Variants in NKAIN3 observed in about 807,000 individuals in gnomAD.
The protein encoded by NKAIN3 is sodium/potassium transporting ATPase interacting 3.
In NKAIN3, 25 loss-of-function variants were observed where a neutral mutation model predicts 30.2. The ratio of observed to expected loss-of-function variants is 0.83; its 90% CI spans 0.60 to 1.16. The LOEUF (loss-of-function observed/expected upper bound fraction) is 1.16. Among genes scored for constraint, NKAIN3 ranks in the 50% most tolerant of loss-of-function variants. The pLI, the probability that NKAIN3 is intolerant of heterozygous loss-of-function variation, is 0.00. For missense variants in NKAIN3, 225 were observed against 254.1 expected (o/e 0.89, Z 0.78); for synonymous variants, 91 against 89.6 (o/e 1.02, Z -0.09).
intron 3 of NKAIN3, among the ~76,000 whole-genome samples, chr8:62,590,059 G>T (rs948644241): frequency 2.0e-5 from 3 of 151,610 alleles, no homozygotes; most frequent in African/African-American, 4.8e-5. Context: ...TGAACTTACA[G>T]TGTATCCTCA....
chr8:62,738,956 T>A (rs1277730641), intron 3 of NKAIN3, among the ~76,000 whole-genome samples: 1 of 152,170 alleles, frequency 6.6e-6, no homozygotes, highest in African/African-American at 2.4e-5. Context: ...TGAGTTCATG[T>A]CCTTTGCAGG....
intron 5 of NKAIN3, among the ~76,000 whole-genome samples, chr8:62,998,707 T>C (rs749134290): frequency 1.4e-4 from 21 of 152,242 alleles, no homozygotes; most frequent in Non-Finnish European, 2.6e-4. Context: ...TTCTTGAGGA[T>C]GATTGTCATG....
chr8:62,711,867 C>T (rs1482488687), intron 3 of NKAIN3, among the ~76,000 whole-genome samples: 1 of 152,120 alleles, frequency 6.6e-6, no homozygotes, highest in East Asian at 1.9e-4. Context: ...TTTGGGTAGC[C>T]TCTGTAAGAG....
At chr8:62,757,275 A>G (rs1455590113) in intron 4 of NKAIN3, among the ~76,000 whole-genome samples, 2 of 152,228 alleles carry the variant, frequency 1.3e-5, no homozygotes, top group Non-Finnish European at 2.9e-5. Flanking sequence ...GTAGCTTTTC[A>G]TAATAACGAG....
downstream of NKAIN3, among the ~76,000 whole-genome samples, chr8:62,985,143 G>A (rs1190815956): frequency 6.6e-6 from 1 of 152,188 alleles, no homozygotes; most frequent in East Asian, 1.9e-4. Flanking sequence ...CCCAGGTGAT[G>A]CCACTGCCCA....
intron 2 of NKAIN3, among the ~76,000 whole-genome samples, chr8:62,582,680 C>T (rs1168392791): frequency 6.6e-6 from 1 of 152,138 alleles, no homozygotes; most frequent in Non-Finnish European, 1.5e-5. Flanking sequence ...CATTAAGCAT[C>T]TATTGAGGAC....
At chr8:62,272,518 G>T (rs1336243313) in intron 1 of NKAIN3, among the ~76,000 whole-genome samples, 1 of 152,188 alleles carries the variant, frequency 6.6e-6, no homozygotes. Context: ...TGGCGACTTT[G>T]TTGGACATTT....
intron 1 of NKAIN3, among the ~76,000 whole-genome samples, chr8:62,303,172 T>C (rs1314668937): frequency 6.6e-6 from 1 of 150,536 alleles, no homozygotes; most frequent in African/African-American, 2.5e-5. Flanking sequence ...AGTTGTGCTC[T>C]TTGGTCACTG....
At chr8:62,798,967 G>A (rs1386060956) in intron 4 of NKAIN3, among the ~76,000 whole-genome samples, 1 of 152,136 alleles carries the variant, frequency 6.6e-6, no homozygotes, top group African/African-American at 2.4e-5. Context: ...AGTCAAGGCA[G>A]TAACCAGATG....
chr8:62,960,406 T>C (rs1050919316), intron 6 of NKAIN3, among the ~76,000 whole-genome samples: 2 of 152,082 alleles, frequency 1.3e-5, no homozygotes, highest in Non-Finnish European at 2.9e-5. Context: ...AGGGAGAATA[T>C]CAATTCCTGA....
chr8:62,858,792 C>T (rs1820144114), intron 4 of NKAIN3, among the ~76,000 whole-genome samples: 1 of 152,198 alleles, frequency 6.6e-6, no homozygotes. Flanking sequence ...AGGCAGGCAC[C>T]CTTTTACTGC....
At chr8:62,600,429 G>GT (rs35104510) in intron 3 of NKAIN3, among the ~76,000 whole-genome samples, 4 of 151,912 alleles carry the variant, frequency 2.6e-5, no homozygotes, top group African/African-American at 9.7e-5. Context: ...CTTCCCATCA[G>GT]TTTTTTTCCA....
chr8:62,800,221 C>T (rs1009165581), intron 4 of NKAIN3, among the ~76,000 whole-genome samples: 2 of 149,834 alleles, frequency 1.3e-5, no homozygotes, highest in Non-Finnish European at 2.9e-5. Flanking sequence ...AATAAACAAA[C>T]AAATAAATAA....
At chr8:62,778,287 G>A (rs979361166) in intron 4 of NKAIN3, among the ~76,000 whole-genome samples, 30 of 152,118 alleles carry the variant, frequency 2.0e-4, no homozygotes, top group African/African-American at 7.0e-4. Flanking sequence ...TTCCCTTTAA[G>A]GCAGTGAGTT....
chr8:62,852,902 G>A (rs1281686564), intron 4 of NKAIN3, among the ~76,000 whole-genome samples: 2 of 152,224 alleles, frequency 1.3e-5, no homozygotes, highest in Middle Eastern at 3.4e-3. Context: ...AATAAGTGTG[G>A]TGTGGTGCTG....
At chr8:62,591,646 G>A (rs1252091689) in intron 3 of NKAIN3, among the ~76,000 whole-genome samples, 1 of 151,844 alleles carries the variant, frequency 6.6e-6, no homozygotes, top group Non-Finnish European at 1.5e-5. Context: ...TAGTAGTCCT[G>A]GTTACTCATT....
chr8:62,385,506 GA>G lies in NKAIN3; in HGVS notation c.54+136380del, dbSNP rs1474827047. On this transcript the variant is annotated intron_variant, in intron 1 of 6. Coordinates refer to ENST00000623646, the MANE Select transcript of NKAIN3 (RefSeq NM_001304533.3). ...ACAGTTTCACAGTTAACATGGGGAA[GA>G]GGGGAAAAGGGAAGTATTTTTAAAT... Among the ~76,000 whole-genome samples, 3 of 152,284 alleles carry G rather than the reference GA, an allele frequency of 2.0e-5. No homozygotes were observed. In the East Asian group the frequency reaches 5.8e-4, roughly 29 times the overall value.
At chr8:62,289,807 C>T (rs1420134273) in intron 1 of NKAIN3, among the ~76,000 whole-genome samples, 3 of 152,152 alleles carry the variant, frequency 2.0e-5, no homozygotes, top group Non-Finnish European at 4.4e-5. Context: ...ATGGGGATGG[C>T]ATTGAATCTA....
At chr8:62,735,096 T>C (rs549988827) in intron 3 of NKAIN3, among the ~76,000 whole-genome samples, 2 of 152,336 alleles carry the variant, frequency 1.3e-5, no homozygotes, top group Non-Finnish European at 2.9e-5. Context: ...TATCTTTTTG[T>C]GATGAATTTC....
Sources: gnomAD v4.1 joint callset for allele counts (sites outside exome capture counted in the v4.1 genomes callset) on GRCh38, gnomAD v4.1.1 for gene constraint, MANE v1.5 for transcripts, NCBI Gene and HGNC (gene_info 2026-07-23, HGNC 2026-07-21) for gene names.